SHOC1: variants seen among roughly 807,000 people sequenced by gnomAD.
SHOC1 encodes the protein protein shortage in chiasmata 1 ortholog.
Under a neutral mutation model 179.2 loss-of-function variants are expected in SHOC1, and 136 were observed. The observed-to-expected ratio is 0.76, with a 90% CI of 0.66 to 0.87. SHOC1 has a LOEUF of 0.87. Ranked by LOEUF, SHOC1 falls within the 40% of genes least tolerant of loss-of-function variation. The probability of loss-of-function intolerance (pLI) is 0.00; values close to 1 mark genes in which losing one functional copy is unlikely to be tolerated. For missense variants in SHOC1, 1,538 were observed against 1,700.8 expected (o/e 0.90, Z 1.68); for synonymous variants, 489 against 586.6 (o/e 0.83, Z 2.41).
At position 111,727,930 on chromosome 9, in the gene SHOC1, A is replaced by T. The variant is rs536926537; in HGVS notation, c.1537T>A (p.Cys513Ser). 3 of 1,613,510 alleles carry T rather than the reference A, an allele frequency of 1.9e-6. No individual in the cohort carries two copies. Among genetic ancestry groups the T allele is most frequent in the East Asian group, 4.5e-5 (2 of 44,762 alleles). Reference protein sequence around the residue: ...PSLAKEVPDLCFSDDYFSDKG... With the variant: ...PSLAKEVPDLSFSDDYFSDKG... ...TCAGAGAAATAGTCATCAGAAAAAC[A>T]TAGATCTGGTACTTCTTTTGCCAGA... The change falls in exon 13 of 28, where the codon TGT becomes AGT. Residue 513 changes from cysteine to serine, a missense_variant. Cys to Ser is a moderately radical substitution (Grantham distance 112, BLOSUM62 -1). Transcript: ENST00000682961.
In SHOC1 at chr9:111,777,879, T is replaced by A. The variant is rs571499195; in HGVS notation, c.258-1904A>T. 1.1e-3 allele frequency among the ~76,000 whole-genome samples: 163 copies of A among 152,326 alleles called. 1 individual carries two copies. Among genetic ancestry groups the A allele is most frequent in the Middle Eastern group, 0.01 (3 of 294 alleles). On this transcript the variant is annotated intron_variant, in intron 4 of 27. Transcript: ENST00000682961. ...TAGGTGGAGAAAGCTTTAGAATTTA[T>A]CCTTTACTCTAAGAAAATACAAAGT...
Position 111,775,893 on chromosome 9 carries a change from C to T in SHOC1, c.340G>A (p.Glu114Lys). 6.2e-7 allele frequency: 1 copy of T among 1,613,660 alleles called. No homozygotes were observed. Among genetic ancestry groups the T allele is most frequent in the Non-Finnish European group, 8.5e-7 (1 of 1,179,738 alleles). Residue 114 changes from glutamate (E) to lysine (K), a missense_variant, in exon 5 of 28, where the codon GAA becomes AAA. Physicochemically the swap from Glu to Lys is moderately conservative, Grantham distance 56. Coordinates refer to ENST00000682961, the MANE Select transcript of SHOC1 (RefSeq NM_001378211.1). ...GTGTATAAACTGACCTCCTCTACTT[C>T]AATTTGGGAGTCTGGATTTGAACTT... ...VPSSNPDSQI[E>K]VEEVSLYTHM...
At chr9:111,744,769 G>C (rs969191329) in intron 10 of SHOC1, among the ~76,000 whole-genome samples, 3 of 152,132 alleles carry the variant, frequency 2.0e-5, no homozygotes, top group Non-Finnish European at 2.9e-5. Flanking sequence ...TTTTTAACTG[G>C]CGTAAGAAGC....
At chr9:111,739,618 T>C (rs1202348196) in intron 11 of SHOC1, among the ~76,000 whole-genome samples, 1 of 152,220 alleles carries the variant, frequency 6.6e-6, no homozygotes, top group African/African-American at 2.4e-5. Context: ...ATCTGTGTTG[T>C]GTATATCAAC....
chr9:111,759,856 A>G (rs1835061300), intron 5 of SHOC1, among the ~76,000 whole-genome samples: 1 of 152,188 alleles, frequency 6.6e-6, no homozygotes, highest in South Asian at 2.1e-4. Flanking sequence ...TGCTAACTTG[A>G]TATGCCTTAA....
chr9:111,698,451 T>A (rs1478810315), intron 24 of SHOC1, among the ~76,000 whole-genome samples: 2 of 152,258 alleles, frequency 1.3e-5, no homozygotes, highest in Non-Finnish European at 2.9e-5. Flanking sequence ...AAATAAGGAA[T>A]CCTTTTCCCA....
intron 10 of SHOC1, among the ~76,000 whole-genome samples, chr9:111,744,005 G>A (rs1006333263): frequency 3.3e-5 from 5 of 151,980 alleles, no homozygotes; most frequent in African/African-American, 4.8e-5. Flanking sequence ...TTGCCAAATC[G>A]TAAGTCATTA....
At chr9:111,757,756 G>A (rs1408159429) in intron 7 of SHOC1, among the ~76,000 whole-genome samples, 2 of 152,130 alleles carry the variant, frequency 1.3e-5, no homozygotes, top group African/African-American at 4.8e-5. Context: ...AACTAGACAT[G>A]ACTACTTAAT....
chr9:111,756,580 T>A, intron 7 of SHOC1, 102 bp from the exon 8 acceptor site: 1 of 941,992 alleles, frequency 1.1e-6, no homozygotes. Context: ...TGCCAAATTT[T>A]AAACTAAATC....
chr9:111,753,192 A>G (rs1363774186), intron 8 of SHOC1, among the ~76,000 whole-genome samples: 1 of 152,242 alleles, frequency 6.6e-6, no homozygotes, highest in Non-Finnish European at 1.5e-5. Flanking sequence ...TCACAAAGCA[A>G]TACGCTTGCT....
Position 111,722,552 on chromosome 9 carries a change from G to A in SHOC1, c.1988C>T (p.Ala663Val), listed in dbSNP as rs757510753. 1 of 1,605,406 alleles carries A rather than the reference G, an allele frequency of 6.2e-7. No homozygotes were observed. The highest frequency in any genetic ancestry group is 8.5e-7 in the Non-Finnish European group (1 of 1,178,274). ...GTTTTTTAAGATAGGAGAAGCTGCT[G>A]CTTCGAGGAGGCAAAATGCTTGGCA... ...SQCQAFCLLE[A>V]AASPILKNLV... Residue 663 changes from alanine to valine, a missense_variant, in exon 15 of 28, where the codon GCA becomes GTA. By Grantham distance (64) the Ala-to-Val change is moderately conservative. Coordinates refer to ENST00000682961, the MANE Select transcript of SHOC1 (RefSeq NM_001378211.1).
intron 18 of SHOC1, among the ~76,000 whole-genome samples, chr9:111,709,589 G>A (rs1466836176): frequency 6.6e-6 from 1 of 152,070 alleles, no homozygotes; most frequent in Non-Finnish European, 1.5e-5. Flanking sequence ...AAATTTTTGT[G>A]TCAGTAGACC....
chr9:111,729,503 A>G (rs947007854), intron 12 of SHOC1, among the ~76,000 whole-genome samples: 1 of 152,196 alleles, frequency 6.6e-6, no homozygotes, highest in Non-Finnish European at 1.5e-5. Context: ...TAAGACAACA[A>G]TGAAGTTTGC....
At chr9:111,731,577 G>T (rs1180885661) in intron 12 of SHOC1, among the ~76,000 whole-genome samples, 1 of 152,060 alleles carries the variant, frequency 6.6e-6, no homozygotes, top group Non-Finnish European at 1.5e-5. Flanking sequence ...TATGGGCAGG[G>T]TCTATGGCAC....
intron 21 of SHOC1, 93 bp from the exon 22 acceptor site, chr9:111,704,085 G>T: frequency 3.5e-6 from 2 of 576,424 alleles, no homozygotes; most frequent in Non-Finnish European, 6.0e-6. Context: ...TAAGTTATTT[G>T]GATTTCTATG....
rs192046960 is a variant in SHOC1 at position 111,753,135 on chromosome 9, T to C, written c.862+3190A>G. ...TACCTAGTTTTTTAAACTATATATC[T>C]TTGTATTTTTGTCATAAAATATAAC... On this transcript the variant is annotated intron_variant, in intron 8 of 27. Transcript: ENST00000682961. Among the ~76,000 whole-genome samples, 18 of 152,332 alleles carry C rather than the reference T, an allele frequency of 1.2e-4. No homozygotes were observed. The East Asian group carries it at 3.3e-3, about 28-fold the overall frequency.
At chr9:111,784,177 A>G (rs1836180772) in intron 3 of SHOC1, among the ~76,000 whole-genome samples, 1 of 152,182 alleles carries the variant, frequency 6.6e-6, no homozygotes, top group Admixed American at 6.5e-5. Flanking sequence ...GATTAATGTA[A>G]CCAATTGCCT....
At chr9:111,709,764 G>A (rs1460103161) in intron 18 of SHOC1, among the ~76,000 whole-genome samples, 1 of 152,188 alleles carries the variant, frequency 6.6e-6, no homozygotes, top group Non-Finnish European at 1.5e-5. Flanking sequence ...AGTAAAAAGT[G>A]TAACTGAGTT....
intron 12 of SHOC1, among the ~76,000 whole-genome samples, chr9:111,731,999 T>TA (rs201499157): frequency 9.3e-5 from 14 of 150,928 alleles, no homozygotes; most frequent in East Asian, 1.9e-4. Context: ...CCTGTATTTT[T>TA]AAAAAAAAAA....
Sources: allele counts gnomAD v4.1 joint callset (sites outside exome capture counted in the v4.1 genomes callset), GRCh38; gene constraint gnomAD v4.1.1; transcripts MANE v1.5; gene names NCBI Gene and HGNC (gene_info 2026-07-23, HGNC 2026-07-21).